The following IPCEF1 variants were observed in gnomAD, a reference collection of about 807,000 sequenced individuals.
IPCEF1 encodes interactor protein for cytohesin exchange factors 1.
Under a neutral mutation model 50.9 loss-of-function variants are expected in IPCEF1, and 31 were observed. The ratio of observed to expected loss-of-function variants is 0.61; its 90% confidence interval spans 0.46 to 0.82. IPCEF1 has a LOEUF of 0.82. Among genes scored for constraint, IPCEF1 ranks in the 40% least tolerant of loss-of-function variants. The pLI is 0.00. For synonymous variants in IPCEF1, 181 were observed against 192.0 expected (o/e 0.94, Z 0.47); for missense variants, 458 against 514.0 (o/e 0.89, Z 1.05).
At chr6:154,212,680 T>G in intron 9 of IPCEF1, 90 bp downstream of exon 9, 2 of 834,762 alleles carry the variant, frequency 2.4e-6, no homozygotes, top group South Asian at 3.5e-5. Flanking sequence ...TTCTAAAAAT[T>G]TATTGGTCAA....
At chr6:154,180,415 T>TATATATATATATATA (rs1491475267) in intron 10 of IPCEF1, among the ~76,000 whole-genome samples, 64 of 29,320 alleles carry the variant, frequency 2.2e-3, no homozygotes, top group African/African-American at 6.9e-3. Flanking sequence ...TATATATATA[T>TATATATATATATATA]TTTTTTTTTA....
At chr6:154,247,971 G>A (rs138642222) in intron 3 of IPCEF1, among the ~76,000 whole-genome samples, 3,012 of 152,284 alleles carry the variant, frequency 0.02, 46 homozygotes, top group Non-Finnish European at 0.029. Flanking sequence ...CTGCTACCAC[G>A]TAGGGTTAGA....
At chr6:154,240,891 A>T (rs1180173313) in intron 5 of IPCEF1, among the ~76,000 whole-genome samples, 3 of 152,216 alleles carry the variant, frequency 2.0e-5, no homozygotes, top group Non-Finnish European at 2.9e-5. Context: ...TAATATATAC[A>T]AAACCAGATA....
At chr6:154,214,945 T>C (rs983157089) in intron 7 of IPCEF1, among the ~76,000 whole-genome samples, 1 of 152,226 alleles carries the variant, frequency 6.6e-6, no homozygotes, top group African/African-American at 2.4e-5. Flanking sequence ...TGTAGTTCCT[T>C]CTCAAGGGTT....
intron 5 of IPCEF1, among the ~76,000 whole-genome samples, chr6:154,229,708 T>C (rs1779574925): frequency 6.6e-6 from 1 of 152,118 alleles, no homozygotes; most frequent in Non-Finnish European, 1.5e-5. Context: ...AACTGAGCAA[T>C]TCTACTCCTA....
intron 10 of IPCEF1, among the ~76,000 whole-genome samples, chr6:154,197,264 T>A (rs975534351): frequency 2.0e-5 from 3 of 152,130 alleles, no homozygotes; most frequent in African/African-American, 7.2e-5. Flanking sequence ...CTGCAACACA[T>A]AAACACACAT....
At position 154,290,077 on chromosome 6, in the gene IPCEF1, T is replaced by A. The variant is rs540242402; in HGVS notation, c.-61-321A>T. Among the ~76,000 whole-genome samples the A allele has an allele frequency of 2.4e-4, 37 of 152,228 alleles. 1 individual carries two copies. In the Middle Eastern group the frequency reaches 0.01, roughly 42 times the overall value. On this transcript the variant is annotated intron_variant, in intron 1 of 11. Coordinates refer to ENST00000367220, the MANE Select transcript of IPCEF1 (RefSeq NM_001130700.2). ...GGCAGCTGGTGCCAGGGACAGGCAGTCTCCCATTAGATAAGTAACACTTGA... is the reference window on the plus strand; with the variant it reads ...GGCAGCTGGTGCCAGGGACAGGCAGACTCCCATTAGATAAGTAACACTTGA...
At chr6:154,181,878 A>C (rs1465884570) in intron 10 of IPCEF1, among the ~76,000 whole-genome samples, 1 of 152,162 alleles carries the variant, frequency 6.6e-6, no homozygotes, top group African/African-American at 2.4e-5. Context: ...AATAATCATA[A>C]ATACATGTGT....
chr6:154,341,555 G>C (rs1421366368), intron 1 of IPCEF1, among the ~76,000 whole-genome samples: 1 of 152,178 alleles, frequency 6.6e-6, no homozygotes, highest in East Asian at 1.9e-4. Flanking sequence ...AACAAAACAC[G>C]CAGGAAGTTT....
At chr6:154,237,439 C>T (rs1357762843) in intron 5 of IPCEF1, among the ~76,000 whole-genome samples, 2 of 152,182 alleles carry the variant, frequency 1.3e-5, no homozygotes, top group Non-Finnish European at 1.5e-5. Flanking sequence ...TGAGAAAAAC[C>T]ATTCCTGGTA....
chr6:154,354,633 C>T (rs566100591), intron 1 of IPCEF1, among the ~76,000 whole-genome samples: 1 of 151,790 alleles, frequency 6.6e-6, no homozygotes, highest in Non-Finnish European at 1.5e-5. Flanking sequence ...CCACTTCCAA[C>T]ACCACCCCCT....
rs111874435 is a variant in IPCEF1, at chr6:154,230,056, T to C, written c.247-6813A>G. Among the ~76,000 whole-genome samples, 380 of 151,922 alleles carry C rather than the reference T, an allele frequency of 2.5e-3. 2 individuals carry two copies. The highest frequency in any genetic ancestry group is 8.9e-3 in the African/African-American group (369 of 41,400). The stretch of plus-strand genomic sequence containing the variant: ...AAAGCAGGACGGTGGTTGCCTGCGG[T>C]TGGGGGTGGGAACTGACTGTAAATG... On this transcript the variant is annotated intron_variant, in intron 5 of 11. Transcript: ENST00000367220.
intron 9 of IPCEF1, among the ~76,000 whole-genome samples, chr6:154,203,340 C>T (rs9384190): frequency 0.055 from 8,411 of 152,170 alleles, 341 homozygotes; most frequent in South Asian, 0.19. Context: ...GGTGCTTCTG[C>T]GGTTATTTCT....
In IPCEF1 at chr6:154,199,956, G is replaced by C. The variant is rs1423580102; in HGVS notation, c.622C>G (p.Pro208Ala). The C allele has an allele frequency of 6.2e-6, 10 of 1,614,182 alleles. No individual in the cohort carries two copies. In the Admixed American group the frequency reaches 1.7e-4, roughly 27 times the overall value. ...FSSLENTVKT[P>A]SSFPSSLSKE... ...GATAAGGAGGAAGGAAAACTGCTGG[G>C]TGTCTTCACTGTATTTTCCAGGGAA... Residue 208 changes from proline to alanine, a missense_variant, in exon 10 of 12, where the codon CCC becomes GCC. Pro to Ala is a conservative substitution (Grantham distance 27, BLOSUM62 -1). Transcript: ENST00000367220.
At chr6:154,330,814 T>A (rs930369182) in intron 1 of IPCEF1, among the ~76,000 whole-genome samples, 1 of 152,226 alleles carries the variant, frequency 6.6e-6, no homozygotes, top group African/African-American at 2.4e-5. Flanking sequence ...CAAAATAGTC[T>A]GGCTTAGTGG....
intron 1 of IPCEF1, among the ~76,000 whole-genome samples, chr6:154,301,778 T>A (rs1350255060): frequency 6.6e-6 from 1 of 152,116 alleles, no homozygotes; most frequent in African/African-American, 2.4e-5. Flanking sequence ...GAATCACTAA[T>A]CCACATTTTA....
At chr6:154,262,638 T>A (rs979833764) in intron 3 of IPCEF1, among the ~76,000 whole-genome samples, 1 of 152,200 alleles carries the variant, frequency 6.6e-6, no homozygotes, top group Non-Finnish European at 1.5e-5. Context: ...GAAGATTACA[T>A]CCTTTCAGTG....
intron 9 of IPCEF1, among the ~76,000 whole-genome samples, chr6:154,212,499 C>T (rs184713454): frequency 2.0e-5 from 3 of 152,310 alleles, no homozygotes; most frequent in Admixed American, 2.0e-4. Context: ...CAAGCACTGG[C>T]CTGTCACCTA....
intron 10 of IPCEF1, among the ~76,000 whole-genome samples, chr6:154,169,140 C>T (rs1045296911): frequency 2.6e-5 from 4 of 152,222 alleles, no homozygotes; most frequent in African/African-American, 7.2e-5. Context: ...GCAGGAGGAT[C>T]GCCTGAGCTC....
Sources: gnomAD v4.1 joint callset for allele counts (sites outside exome capture counted in the v4.1 genomes callset) on GRCh38, gnomAD v4.1.1 for gene constraint, MANE v1.5 for transcripts, NCBI Gene and HGNC (gene_info 2026-07-23, HGNC 2026-07-21) for gene names.